Variants in CRISPLD2 observed in about 807,000 individuals in gnomAD.
The protein encoded by CRISPLD2 is cysteine rich secretory protein LCCL domain containing 2.
CRISPLD2 carries 47 observed loss-of-function variants against 71.1 expected under a neutral mutation model. The observed-to-expected ratio is 0.66, with a 90% CI of 0.52 to 0.84. The LOEUF is 0.84. CRISPLD2 is among the 40% of genes least tolerant of loss of function. The pLI, the probability that CRISPLD2 is intolerant of heterozygous loss-of-function variation, is 0.00. For synonymous variants in CRISPLD2, 317 were observed against 250.1 expected (o/e 1.27, Z -2.52); for missense variants, 830 against 651.1 (o/e 1.27, Z -2.99).
At chr16:84,835,800 G>C (rs1275426640) in intron 1 of CRISPLD2, among the ~76,000 whole-genome samples, 2 of 152,200 alleles carry the variant, frequency 1.3e-5, no homozygotes, top group South Asian at 2.1e-4. Flanking sequence ...TTAACATTCA[G>C]AACAAAGGCG....
intron 14 of CRISPLD2, among the ~76,000 whole-genome samples, chr16:84,901,336 G>C (rs1459924050): frequency 6.6e-6 from 1 of 152,152 alleles, no homozygotes; most frequent in Non-Finnish European, 1.5e-5. Context: ...GGGAGAACTT[G>C]GTGCAGAAAG....
rs563327531 is a variant in CRISPLD2, at chr16:84,843,233, G to T, written c.241-2553G>T. On this transcript the variant is annotated intron_variant, in intron 2 of 14. Coordinates refer to ENST00000262424, the MANE Select transcript of CRISPLD2 (RefSeq NM_031476.4). ...GCAAGGAGGCTGAAAGGATGGGGTGGCAGGGGCCCTGCCACTCAGCCCGGC... is the reference window on the plus strand; with the variant it reads ...GCAAGGAGGCTGAAAGGATGGGGTGTCAGGGGCCCTGCCACTCAGCCCGGC... Among the ~76,000 whole-genome samples, 11 of 152,292 alleles carry T rather than the reference G, an allele frequency of 7.2e-5. No homozygotes were observed. In the South Asian group the frequency reaches 2.3e-3, roughly 32 times the overall value.
chr16:84,833,791 G>A (rs746278569), intron 1 of CRISPLD2, among the ~76,000 whole-genome samples: 12 of 152,206 alleles, frequency 7.9e-5, no homozygotes, highest in Non-Finnish European at 1.8e-4. Context: ...TCCCATGGGG[G>A]TGACACGTTG....
intron 13 of CRISPLD2, among the ~76,000 whole-genome samples, chr16:84,882,290 C>T (rs1038785426): frequency 2.1e-5 from 2 of 94,396 alleles, no homozygotes; most frequent in African/African-American, 4.0e-5. Flanking sequence ...ATACAATTTA[C>T]AGGAAAAGGA....
rs74031010 is a variant in CRISPLD2 at position 84,886,399 on chromosome 16, A to T, written c.1306-2831A>T. On this transcript the variant is annotated intron_variant, in intron 13 of 14. Transcript: ENST00000262424. ...GGCCGAGGACAGTGGTAAGGACGGG[A>T]CAAAGGAGCTATGAGACTGTGCCAG... Among the ~76,000 whole-genome samples, 1,034 of 152,308 alleles carry T rather than the reference A, an allele frequency of 6.8e-3. 8 individuals carry two copies. The highest frequency in any genetic ancestry group is 0.024 in the African/African-American group (994 of 41,562).
At chr16:84,900,064 G>T (rs1193147872) in intron 14 of CRISPLD2, among the ~76,000 whole-genome samples, 2 of 152,120 alleles carry the variant, frequency 1.3e-5, no homozygotes, top group East Asian at 3.9e-4. Flanking sequence ...GGCCGCCAGG[G>T]TCACCCCAGC....
intron 13 of CRISPLD2, among the ~76,000 whole-genome samples, chr16:84,881,763 A>G (rs1001606499): frequency 6.6e-6 from 1 of 152,040 alleles, no homozygotes; most frequent in East Asian, 1.9e-4. Context: ...GGGGTGAGCC[A>G]CTGCACCCGG....
At chr16:84,854,950 C>T (rs980644502) in intron 6 of CRISPLD2, 121 bp downstream of exon 6, 44 of 758,586 alleles carry the variant, frequency 5.8e-5, no homozygotes, top group Middle Eastern at 2.3e-4. Flanking sequence ...CTATTTAAGA[C>T]GCTCTCAGCA....
At position 84,854,828 on chromosome 16, in the gene CRISPLD2, A is replaced by G. The variant is rs1350640218; in HGVS notation, c.708A>G (p.Arg236=). 1 of 1,613,074 alleles carries G rather than the reference A, an allele frequency of 6.2e-7. No individual in the cohort carries two copies. The highest frequency in any genetic ancestry group is 8.5e-7 in the Non-Finnish European group (1 of 1,178,998). The part of the protein sequence containing the change: ...GGSCRNNLCY[R]EETYTPKPET... ...GCTGCAGGAACAACTTGTGTTACCG[A>G]GGTAGGAAATTTACTCCCAACACTT... Residue 236 remains arginine, a splice_region_variant and synonymous_variant, in exon 6 of 15, where the codon CGA becomes CGG. Transcript: ENST00000262424.
At chr16:84,847,014 A>G (rs935041316) in intron 3 of CRISPLD2, among the ~76,000 whole-genome samples, 1 of 152,260 alleles carries the variant, frequency 6.6e-6, no homozygotes, top group African/African-American at 2.4e-5. Context: ...CTAAGACCAC[A>G]TAAGACTTAA....
intron 2 of CRISPLD2, chr16:84,841,987 C>CGGGCAGGTGA (rs992241757): frequency 1.3e-5 from 2 of 152,994 alleles, no homozygotes; most frequent in African/African-American, 4.8e-5. Flanking sequence ...TGAGGAGTGA[C>CGGGCAGGTGA]GGGGCGGTAT....
chr16:84,829,996 G>A (rs950023346), intron 1 of CRISPLD2, among the ~76,000 whole-genome samples: 16 of 152,232 alleles, frequency 1.1e-4, no homozygotes, highest in African/African-American at 3.9e-4. Context: ...CAGCCAGCTT[G>A]GACTGGCTCA....
intron 13 of CRISPLD2, among the ~76,000 whole-genome samples, chr16:84,888,171 T>C (rs556624191): frequency 6.6e-6 from 1 of 152,352 alleles, no homozygotes; most frequent in East Asian, 1.9e-4. Context: ...AGAATCCGTT[T>C]TCTTGCCTTT....
intron 1 of CRISPLD2, among the ~76,000 whole-genome samples, chr16:84,834,412 G>T (rs759234538): frequency 2.0e-5 from 3 of 152,258 alleles, no homozygotes; most frequent in African/African-American, 7.2e-5. Context: ...TGTCTCAGAA[G>T]TGAGGGTAGA....
chr16:84,856,485 A>G (rs542592526), intron 6 of CRISPLD2, among the ~76,000 whole-genome samples: 2 of 152,190 alleles, frequency 1.3e-5, no homozygotes, highest in Non-Finnish European at 2.9e-5. Context: ...TCCCTCTGGA[A>G]CTAAGACCTC....
At chr16:84,856,896 C>T (rs541244945) in intron 6 of CRISPLD2, among the ~76,000 whole-genome samples, 7 of 152,290 alleles carry the variant, frequency 4.6e-5, no homozygotes, top group African/African-American at 7.2e-5. Flanking sequence ...AATACTATGA[C>T]GGTGGATATG....
chr16:84,883,127 AAAAT>A (rs2071582775), intron 13 of CRISPLD2, among the ~76,000 whole-genome samples: 1 of 152,224 alleles, frequency 6.6e-6, no homozygotes, highest in African/African-American at 2.4e-5. Flanking sequence ...CTCTTCAAAA[AAAAT>A]AAAGAATGAA....
chr16:84,907,374 G>A lies in CRISPLD2; in HGVS notation c.*732G>A, dbSNP rs2641670. 0.26 allele frequency: 39,456 copies of A among 152,412 alleles called. 5,302 individuals are homozygous for A. Among genetic ancestry groups the A allele is most frequent in the Admixed American group, 0.34 (5,170 of 15,292 alleles). 9.4% of individuals were successfully genotyped at this position (152,412 alleles called of 1,614,324 possible). A position where few individuals can be genotyped will look rare whatever the true frequency, so the allele number is the denominator to read the frequency against. On this transcript the variant is annotated 3_prime_UTR_variant, in exon 15 of 15. Coordinates refer to ENST00000262424, the MANE Select transcript of CRISPLD2 (RefSeq NM_031476.4). Reference sequence around the variant, plus strand: ...GTATCTTGTCTTTGTCAGGCCCTTCGTCTTCATGGCCCACCTGTTTTCTGC... The same window carrying A: ...GTATCTTGTCTTTGTCAGGCCCTTCATCTTCATGGCCCACCTGTTTTCTGC...
Position 84,827,562 on chromosome 16 carries a change from T to C in CRISPLD2, c.-75+7429T>C, listed in dbSNP as rs562442239. ...CTGCTGCCTGCAGTGCCCTTTCTTT[T>C]TTTTTTTTTTTTTCTTTTTTCTGAG... On this transcript the variant is annotated intron_variant, in intron 1 of 14. Transcript: ENST00000262424. 5.5e-3 allele frequency among the ~76,000 whole-genome samples: 827 copies of C among 149,662 alleles called. 15 individuals carry two copies. The highest frequency in any genetic ancestry group is 0.019 in the African/African-American group (786 of 40,496).
Sources: allele counts gnomAD v4.1 joint callset (sites outside exome capture counted in the v4.1 genomes callset), GRCh38; gene constraint gnomAD v4.1.1; transcripts MANE v1.5; gene names NCBI Gene and HGNC (gene_info 2026-07-23, HGNC 2026-07-21).